Variants in TAF2 observed in about 807,000 individuals in gnomAD.
TAF2 encodes the protein transcription initiation factor TFIID subunit 2.
In TAF2, 61 loss-of-function variants were observed where a neutral mutation model predicts 138.5. The observed-to-expected ratio is 0.44, with a 90% CI of 0.36 to 0.54. The LOEUF (loss-of-function observed/expected upper bound fraction) is 0.54. Among genes scored for constraint, TAF2 ranks in the 20% least tolerant of loss-of-function variants. TAF2 has a pLI of 0.00. For synonymous variants in TAF2, 475 were observed against 469.9 expected, an observed-to-expected ratio of 1.01 and a Z score of -0.14; for missense variants, 1,090 against 1,427.9, an observed-to-expected ratio of 0.76 and a Z score of 3.81.
chr8:119,744,280 A>C lies in TAF2; in HGVS notation c.3214+8T>G, dbSNP rs748952542. On this transcript the variant is annotated splice_region_variant and intron_variant, in intron 24 of 25. Transcript: ENST00000378164. ...ATCTCCTCAATGATTGCAGAATACTAATCTTACCTGGAGTTGACGGCCTTT... is the reference window on the plus strand; with the variant it reads ...ATCTCCTCAATGATTGCAGAATACTCATCTTACCTGGAGTTGACGGCCTTT... The C allele has an allele frequency of 2.5e-6, 4 of 1,611,720 alleles. No homozygotes were observed. Among genetic ancestry groups the C allele is most frequent in the Non-Finnish European group, 2.5e-6 (3 of 1,177,980 alleles).
Position 119,762,446 on chromosome 8 carries a change from G to C in TAF2, c.2527C>G (p.Leu843Val). 1.2e-6 allele frequency: 2 copies of C among 1,613,948 alleles called. No individual in the cohort carries two copies. The highest frequency in any genetic ancestry group is 1.7e-6 in the Non-Finnish European group (2 of 1,179,912). The change falls in exon 19 of 26, where the codon CTT (leucine) becomes GTT (valine). Residue 843 changes from leucine to valine, a missense_variant. Leu to Val is a conservative substitution (Grantham distance 32). Around this residue, in one of 3 missense-constraint regions of TAF2, gnomAD observed 580 missense variants for 719.6 expected, o/e 0.81. Transcript: ENST00000378164. ...GTGATGGTATGCCTGTAACTCGGAA[G>C]AAGTTTTTCCATATTCAAAAATCTG... ...ITRFLNMEKL[L>V]PSYRHTITVS...
At chr8:119,788,957 AAG>A in intron 12 of TAF2, 53 bp from the exon 13 acceptor site, 1 of 1,166,870 alleles carries the variant, frequency 8.6e-7, no homozygotes, top group Non-Finnish European at 1.3e-6. Flanking sequence ...GTACTAAACA[AAG>A]TAAGTTATCC....
chr8:119,770,210 C>T (rs1192714918), intron 18 of TAF2, among the ~76,000 whole-genome samples: 4 of 151,664 alleles, frequency 2.6e-5, no homozygotes, highest in Non-Finnish European at 5.9e-5. Context: ...GAAAATTTCC[C>T]CAATCTCATT....
At chr8:119,815,964 G>A (rs1825435774) in intron 3 of TAF2, among the ~76,000 whole-genome samples, 1 of 151,898 alleles carries the variant, frequency 6.6e-6, no homozygotes, top group African/African-American at 2.4e-5. Context: ...AGATAGAAAT[G>A]CCTTTCAGCC....
chr8:119,749,106 T>A (rs953698415), intron 22 of TAF2, among the ~76,000 whole-genome samples: 1 of 152,168 alleles, frequency 6.6e-6, no homozygotes, highest in Non-Finnish European at 1.5e-5. Context: ...TTAAAAAATA[T>A]ATGTTAATTT....
At chr8:119,780,003 C>A (rs1232792303) in intron 17 of TAF2, among the ~76,000 whole-genome samples, 4 of 152,110 alleles carry the variant, frequency 2.6e-5, no homozygotes, top group African/African-American at 9.7e-5. Context: ...CCAAGAAGTC[C>A]TTTTCTCAAC....
chr8:119,738,683 A>G (rs935205808), intron 25 of TAF2, among the ~76,000 whole-genome samples: 1 of 152,226 alleles, frequency 6.6e-6, no homozygotes, highest in African/African-American at 2.4e-5. Flanking sequence ...AGTCAAGTTA[A>G]CAAATGTAAA....
chr8:119,780,617 A>T (rs1034638364), intron 17 of TAF2, among the ~76,000 whole-genome samples: 1 of 152,170 alleles, frequency 6.6e-6, no homozygotes, highest in African/African-American at 2.4e-5. Context: ...TAATCACTTA[A>T]TCAAAGTTTG....
intron 3 of TAF2, among the ~76,000 whole-genome samples, chr8:119,808,355 T>G (rs567226055): frequency 1.3e-5 from 2 of 152,192 alleles, no homozygotes; most frequent in East Asian, 3.9e-4. Context: ...AGCAATTCAG[T>G]CTTACCTTTA....
intron 25 of TAF2, among the ~76,000 whole-genome samples, chr8:119,740,096 C>T (rs1819495693): frequency 6.6e-6 from 1 of 152,082 alleles, no homozygotes; most frequent in African/African-American, 2.4e-5. Flanking sequence ...CAACTCTCAA[C>T]CCCAAGAAAG....
chr8:119,757,146 G>A (rs1820755460), intron 21 of TAF2, among the ~76,000 whole-genome samples: 2 of 152,272 alleles, frequency 1.3e-5, no homozygotes, highest in Admixed American at 1.3e-4. Flanking sequence ...TGTAGTGTAA[G>A]TAATTTAACC....
chr8:119,764,815 G>GCCA (rs1821313021), intron 18 of TAF2, among the ~76,000 whole-genome samples: 1 of 152,028 alleles, frequency 6.6e-6, no homozygotes. Flanking sequence ...AATGTGATTT[G>GCCA]CCACCATCCT....
At chr8:119,821,946 T>C (rs1825827781) in intron 2 of TAF2, among the ~76,000 whole-genome samples, 1 of 152,062 alleles carries the variant, frequency 6.6e-6, no homozygotes, top group South Asian at 2.1e-4. Context: ...GTGGAATGAT[T>C]GCTTGAGCCT....
intron 25 of TAF2, among the ~76,000 whole-genome samples, chr8:119,741,332 A>G (rs540463937): frequency 1.3e-5 from 2 of 152,300 alleles, no homozygotes; most frequent in South Asian, 4.1e-4. Context: ...CATCATCCTC[A>G]AACTGTATGA....
Position 119,832,578 on chromosome 8 carries a change from G to C in TAF2, c.-14C>G, listed in dbSNP as rs1054660. ...AGTCAGCGGCATGAAGCGGTCCCGC[G>C]GAGCTTGGCTTCCCGGCTTCCTAGG... On this transcript the variant is annotated 5_prime_UTR_variant, in exon 1 of 26. Coordinates refer to ENST00000378164, the MANE Select transcript of TAF2 (RefSeq NM_003184.4). 1 of 1,611,888 alleles carries C rather than the reference G, an allele frequency of 6.2e-7. No homozygotes were observed. Among genetic ancestry groups the C allele is most frequent in the Non-Finnish European group, 8.5e-7 (1 of 1,179,822 alleles).
chr8:119,811,487 C>T (rs1053226632), intron 3 of TAF2, among the ~76,000 whole-genome samples: 3 of 152,034 alleles, frequency 2.0e-5, no homozygotes, highest in Admixed American at 6.6e-5. Context: ...AAGCCAAAAC[C>T]ACAATGAACA....
At chr8:119,819,639 C>T in intron 2 of TAF2, 133 bp from the exon 3 acceptor site, 1 of 709,176 alleles carries the variant, frequency 1.4e-6, no homozygotes, top group South Asian at 1.6e-5. Flanking sequence ...CATACATATG[C>T]TCTCCAAGTA....
intron 17 of TAF2, among the ~76,000 whole-genome samples, chr8:119,780,066 G>C (rs916278402): frequency 1.3e-5 from 2 of 151,872 alleles, no homozygotes. Flanking sequence ...CTAAAATCTT[G>C]AAAGAATAGG....
At chr8:119,799,576 A>G (rs1455024364) in intron 6 of TAF2, among the ~76,000 whole-genome samples, 1 of 152,090 alleles carries the variant, frequency 6.6e-6, no homozygotes, top group Non-Finnish European at 1.5e-5. Context: ...GTTGGTTCCA[A>G]GTCTTTGCTA....
Sources: gnomAD v4.1 joint callset for allele counts (sites outside exome capture counted in the v4.1 genomes callset) on GRCh38, gnomAD v4.1.1 for gene constraint, gnomAD v4.1.1 regional missense constraint, MANE v1.5 for transcripts, NCBI Gene and HGNC (gene_info 2026-07-23, HGNC 2026-07-21) for gene names.